Variants in SLIT2 observed in about 807,000 individuals in gnomAD.
The protein encoded by SLIT2 is slit homolog 2 protein.
A neutral mutation model predicts 185.7 loss-of-function variants in SLIT2; 41 were observed. That is an observed-to-expected ratio of 0.22 (90% confidence interval 0.17 to 0.29). The LOEUF (loss-of-function observed/expected upper bound fraction) is 0.29, where lower values mean the gene tolerates loss of function less well. Ranked by LOEUF, SLIT2 falls within the 10% of genes least tolerant of loss-of-function variation. The pLI, the probability that SLIT2 is intolerant of heterozygous loss-of-function variation, is 1.00. For missense variants in SLIT2, 1,571 were observed against 1,909.0 expected (o/e 0.82, Z 3.30); for synonymous variants, 693 against 680.2 (o/e 1.02, Z -0.29).
intron 4 of SLIT2, among the ~76,000 whole-genome samples, chr4:20,371,419 T>C (rs1487714781): frequency 6.6e-6 from 1 of 152,066 alleles, no homozygotes; most frequent in Non-Finnish European, 1.5e-5. Context: ...ATCATGTTTC[T>C]CCAATAGAAG....
At chr4:20,614,036 T>A (rs746977959) in intron 34 of SLIT2, among the ~76,000 whole-genome samples, 27 of 152,132 alleles carry the variant, frequency 1.8e-4, no homozygotes, top group Admixed American at 4.6e-4. Context: ...CACGCCCAGC[T>A]AATTTTTTAT....
At chr4:20,346,305 A>G (rs1026755372) in intron 4 of SLIT2, among the ~76,000 whole-genome samples, 1 of 152,136 alleles carries the variant, frequency 6.6e-6, no homozygotes, top group Admixed American at 6.5e-5. Flanking sequence ...CACTCTTGAT[A>G]TTTTGGACCA....
At chr4:20,537,913 T>TAAGCTTATGAATCCA in intron 18 of SLIT2, among the ~76,000 whole-genome samples, 1 of 152,180 alleles carries the variant, frequency 6.6e-6, no homozygotes, top group African/African-American at 2.4e-5. Flanking sequence ...GCTTATGGAT[T>TAAGCTTATGAATCCA]TTTCTAGCAA....
intron 9 of SLIT2, among the ~76,000 whole-genome samples, chr4:20,498,488 TA>T (rs1718432201): frequency 6.6e-6 from 1 of 152,234 alleles, no homozygotes; most frequent in Non-Finnish European, 1.5e-5. Context: ...CCTTTTGAGG[TA>T]TACAATTTTG....
At chr4:20,337,649 C>G (rs1455978531) in intron 4 of SLIT2, among the ~76,000 whole-genome samples, 1 of 152,126 alleles carries the variant, frequency 6.6e-6, no homozygotes. Flanking sequence ...AATTGTCTCT[C>G]TAGACTAGCT....
chr4:20,358,094 A>G (rs1415546955), intron 4 of SLIT2, among the ~76,000 whole-genome samples: 4 of 152,146 alleles, frequency 2.6e-5, no homozygotes, highest in African/African-American at 7.2e-5. Context: ...TGTTTTTAAC[A>G]TTAAGAACTT....
intron 9 of SLIT2, among the ~76,000 whole-genome samples, chr4:20,507,064 T>G (rs916870511): frequency 6.6e-6 from 1 of 152,036 alleles, no homozygotes; most frequent in African/African-American, 2.4e-5. Context: ...AATGTGAAGA[T>G]CAGGTCCTTG....
rs1330626629 is a variant in SLIT2 at position 20,579,687 on chromosome 4, G to A, written c.3089-9957G>A. On this transcript the variant is annotated intron_variant, in intron 29 of 36. Transcript: ENST00000504154. ...TTACACTAAAGCAGCTTTTGTTGGC[G>A]AAATAAAAAAACCTCACTCTGAGAG... Among the ~76,000 whole-genome samples, 4 of 151,522 alleles carry A rather than the reference G, an allele frequency of 2.6e-5. No individual in the cohort carries two copies. The South Asian group carries it at 6.2e-4, about 24-fold the overall frequency.
chr4:20,551,756 G>A (rs1034253981), intron 25 of SLIT2, among the ~76,000 whole-genome samples: 2 of 151,972 alleles, frequency 1.3e-5, no homozygotes, highest in East Asian at 1.9e-4. Flanking sequence ...CACTTCTCTC[G>A]AAAACCCACA....
intron 9 of SLIT2, among the ~76,000 whole-genome samples, chr4:20,509,791 T>C (rs1251698569): frequency 6.6e-6 from 1 of 152,200 alleles, no homozygotes; most frequent in East Asian, 1.9e-4. Context: ...AGCAGGACCA[T>C]AGAATAGATG....
At chr4:20,483,830 A>G (rs911973514) in intron 6 of SLIT2, among the ~76,000 whole-genome samples, 5 of 152,134 alleles carry the variant, frequency 3.3e-5, no homozygotes, top group African/African-American at 1.2e-4. Flanking sequence ...TAATTACAAT[A>G]TATAAATTTC....
intron 5 of SLIT2, among the ~76,000 whole-genome samples, chr4:20,469,630 GT>G (rs987526665): frequency 1.1e-3 from 163 of 150,778 alleles, no homozygotes; most frequent in Non-Finnish European, 9.6e-4. Flanking sequence ...AGTTAGATGA[GT>G]TTTTTTAAAA....
At position 20,380,642 on chromosome 4, in the gene SLIT2, G is replaced by A. The variant is rs190975192; in HGVS notation, c.396-87110G>A. On this transcript the variant is annotated intron_variant, in intron 4 of 36. Transcript: ENST00000504154. ...AATATATAAAAATTAAAAATACACT[G>A]TATGTGAGCAGTAATAGATAAACAC... Among the ~76,000 whole-genome samples the A allele has an allele frequency of 7.3e-5, 11 of 151,574 alleles. No individual in the cohort carries two copies. The East Asian group carries it at 2.1e-3, about 29-fold the overall frequency.
In SLIT2 at chr4:20,484,423, C is replaced by T. The variant is rs1410363074; in HGVS notation, c.540-1777C>T. Among the ~76,000 whole-genome samples the T allele has an allele frequency of 6.6e-6, 1 of 152,106 alleles. No homozygotes were observed. The highest frequency in any genetic ancestry group is 1.5e-5 in the Non-Finnish European group (1 of 67,994). ...GTAAACTGAGCCAACAAATCCAGTGCTCTGTAGGTCCCCCATAAAGTGGTT... is the reference window on the plus strand; with the variant it reads ...GTAAACTGAGCCAACAAATCCAGTGTTCTGTAGGTCCCCCATAAAGTGGTT... On this transcript the variant is annotated intron_variant, in intron 6 of 36. Coordinates refer to ENST00000504154, the MANE Select transcript of SLIT2 (RefSeq NM_004787.4). The surrounding 1 kb of genome is among the most constrained non-coding windows in gnomAD (Gnocchi z 4.3).
chr4:20,486,129 CTA>C, intron 6 of SLIT2, 69 bp from the exon 7 acceptor site: 1 of 938,978 alleles, frequency 1.1e-6, no homozygotes, highest in Non-Finnish European at 1.7e-6. Flanking sequence ...GACGTTTTCT[CTA>C]TGTTAATATA....
At chr4:20,386,013 G>A (rs1237454519) in intron 4 of SLIT2, among the ~76,000 whole-genome samples, 2 of 151,934 alleles carry the variant, frequency 1.3e-5, no homozygotes, top group African/African-American at 2.4e-5. Flanking sequence ...TAGTTATAAC[G>A]GCCAAAGTCC....
At chr4:20,554,837 C>T (rs1012174272) in intron 26 of SLIT2, among the ~76,000 whole-genome samples, 4 of 151,970 alleles carry the variant, frequency 2.6e-5, no homozygotes, top group African/African-American at 9.7e-5. Context: ...GATCTCAGCT[C>T]ACTGCAACCT....
At chr4:20,494,267 C>T (rs1341696287) in intron 9 of SLIT2, among the ~76,000 whole-genome samples, 1 of 152,098 alleles carries the variant, frequency 6.6e-6, no homozygotes, top group Non-Finnish European at 1.5e-5. Flanking sequence ...TGATAGCAAA[C>T]ATAGTAGCAG....
At chr4:20,473,684 A>G (rs1418064341) in intron 5 of SLIT2, among the ~76,000 whole-genome samples, 2 of 152,022 alleles carry the variant, frequency 1.3e-5, no homozygotes, top group East Asian at 1.9e-4. Flanking sequence ...AGCTGCTTAC[A>G]TATTTCATCA....
Sources: allele counts gnomAD v4.1 joint callset (sites outside exome capture counted in the v4.1 genomes callset), GRCh38; gene constraint gnomAD v4.1.1; non-coding constraint Gnocchi (gnomAD v3.1); transcripts MANE v1.5; gene names NCBI Gene and HGNC (gene_info 2026-07-23, HGNC 2026-07-21).